The following TNR variants were observed in gnomAD, a reference collection of about 807,000 sequenced individuals.
TNR encodes tenascin-R.
A neutral mutation model predicts 150.4 loss-of-function variants in TNR; 45 were observed. The ratio of observed to expected loss-of-function variants is 0.30; its 90% CI spans 0.24 to 0.38. TNR has a LOEUF of 0.38. Among genes scored for constraint, TNR ranks in the 10% least tolerant of loss-of-function variants. The pLI is 1.00. For missense variants in TNR, 1,544 were observed against 1,759.1 expected (o/e 0.88, Z 2.19); for synonymous variants, 687 against 678.4 (o/e 1.01, Z -0.20).
At chr1:175,439,451 G>T (rs545240910) in intron 2 of TNR, among the ~76,000 whole-genome samples, 3 of 152,146 alleles carry the variant, frequency 2.0e-5, no homozygotes, top group Admixed American at 2.0e-4. Flanking sequence ...ATACCATTCA[G>T]GACATAGGCA....
intron 2 of TNR, among the ~76,000 whole-genome samples, chr1:175,413,373 C>A (rs971434397): frequency 6.6e-6 from 1 of 152,212 alleles, no homozygotes; most frequent in Non-Finnish European, 1.5e-5. Context: ...TGCAGCTTGC[C>A]ATGAGGAAGG....
intron 1 of TNR, among the ~76,000 whole-genome samples, chr1:175,650,607 A>G (rs1211140844): frequency 6.7e-6 from 1 of 149,170 alleles, no homozygotes; most frequent in Admixed American, 6.7e-5. Flanking sequence ...AACTTTCCCT[A>G]CCTCCTTTCT....
At chr1:175,650,454 C>T (rs533759722) in intron 1 of TNR, among the ~76,000 whole-genome samples, 1 of 151,996 alleles carries the variant, frequency 6.6e-6, no homozygotes, top group East Asian at 1.9e-4. Flanking sequence ...CATCTTATAA[C>T]CAAGCACTCT....
intron 3 of TNR, among the ~76,000 whole-genome samples, chr1:175,404,738 C>G (rs529357664): frequency 6.2e-4 from 94 of 152,302 alleles, no homozygotes; most frequent in African/African-American, 2.0e-3. Context: ...ATAGAAGCCC[C>G]AGCTTCCTGA....
chr1:175,590,548 C>T, intron 1 of TNR, among the ~76,000 whole-genome samples: 1 of 152,108 alleles, frequency 6.6e-6, no homozygotes, highest in Non-Finnish European at 1.5e-5. Flanking sequence ...GTGGAGAAGA[C>T]AGACAGGTAA....
intron 8 of TNR, 27 bp downstream of exon 8, chr1:175,386,005 T>G (rs368950418): frequency 1.8e-4 from 277 of 1,536,948 alleles, no homozygotes; most frequent in Non-Finnish European, 2.3e-4. Context: ...TCCCTCCTTG[T>G]GCGTCTCTCC....
intron 1 of TNR, among the ~76,000 whole-genome samples, chr1:175,644,381 C>T (rs1364600465): frequency 6.6e-6 from 1 of 152,216 alleles, no homozygotes; most frequent in Non-Finnish European, 1.5e-5. Flanking sequence ...TATTATACCG[C>T]AGTCTAACCA....
intron 1 of TNR, among the ~76,000 whole-genome samples, chr1:175,697,598 T>C (rs1354573657): frequency 7.9e-5 from 12 of 152,176 alleles, no homozygotes; most frequent in Non-Finnish European, 1.8e-4. Context: ...TACTGCACTT[T>C]GATTTCAAGT....
At chr1:175,466,492 GCTTGGAACAAGCACCC>G in intron 2 of TNR, among the ~76,000 whole-genome samples, 1 of 152,180 alleles carries the variant, frequency 6.6e-6, no homozygotes. Context: ...GTCTTTCTGG[GCTTGGAACAAGCACCC>G]CTTGCAAGAG....
At chr1:175,739,005 G>A (rs1667850170) in intron 1 of TNR, among the ~76,000 whole-genome samples, 1 of 152,134 alleles carries the variant, frequency 6.6e-6, no homozygotes, top group African/African-American at 2.4e-5. Flanking sequence ...TCTGTATTAG[G>A]GAGTCCTCAC....
intron 1 of TNR, among the ~76,000 whole-genome samples, chr1:175,560,001 A>G (rs1661358797): frequency 6.6e-6 from 1 of 152,230 alleles, no homozygotes; most frequent in Non-Finnish European, 1.5e-5. Context: ...GGCAGACTAC[A>G]TCTAGCAGTG....
intron 1 of TNR, among the ~76,000 whole-genome samples, chr1:175,620,975 C>T (rs1663953163): frequency 6.6e-6 from 1 of 152,212 alleles, no homozygotes; most frequent in Non-Finnish European, 1.5e-5. Context: ...TGAGAGCACT[C>T]TGAATGCCTC....
At chr1:175,465,607 GCA>G (rs1181444037) in intron 2 of TNR, among the ~76,000 whole-genome samples, 10 of 152,158 alleles carry the variant, frequency 6.6e-5, no homozygotes, top group African/African-American at 2.4e-4. Context: ...CTCATGTCTG[GCA>G]CATAGTAGGG....
chr1:175,626,335 C>A (rs1370991174), intron 1 of TNR, among the ~76,000 whole-genome samples: 1 of 152,164 alleles, frequency 6.6e-6, no homozygotes, highest in Admixed American at 6.5e-5. Flanking sequence ...TCATTAAAAT[C>A]TCACCCAAGC....
intron 18 of TNR, among the ~76,000 whole-genome samples, chr1:175,344,452 T>G (rs1462054967): frequency 6.6e-6 from 1 of 152,234 alleles, no homozygotes; most frequent in Non-Finnish European, 1.5e-5. Context: ...GAATTGGTCT[T>G]AGATTCCCTG....
At chr1:175,513,839 T>C (rs1332768573) in intron 2 of TNR, among the ~76,000 whole-genome samples, 1 of 152,224 alleles carries the variant, frequency 6.6e-6, no homozygotes, top group Non-Finnish European at 1.5e-5. Context: ...TCAAACTCAC[T>C]GCACATGCAC....
chr1:175,590,211 T>C (rs770599880), intron 1 of TNR, among the ~76,000 whole-genome samples: 1 of 152,200 alleles, frequency 6.6e-6, no homozygotes, highest in African/African-American at 2.4e-5. Flanking sequence ...AGATGATAGA[T>C]ATATTTGCTT....
intron 1 of TNR, among the ~76,000 whole-genome samples, chr1:175,741,425 A>G (rs567800138): frequency 4.6e-5 from 7 of 152,206 alleles, no homozygotes; most frequent in Non-Finnish European, 8.8e-5. Flanking sequence ...GGTCCACTGC[A>G]AGGGCATAAT....
At chr1:175,627,155 C>T (rs1163310609) in intron 1 of TNR, among the ~76,000 whole-genome samples, 1 of 152,220 alleles carries the variant, frequency 6.6e-6, no homozygotes, top group Non-Finnish European at 1.5e-5. Context: ...TTAATCTAAA[C>T]TAACAGTATT....
Sources: gnomAD v4.1 joint callset for allele counts (sites outside exome capture counted in the v4.1 genomes callset) on GRCh38, gnomAD v4.1.1 for gene constraint, MANE v1.5 for transcripts, NCBI Gene and HGNC (gene_info 2026-07-23, HGNC 2026-07-21) for gene names.